ARSD: variants seen among roughly 807,000 people sequenced by gnomAD.
ARSD encodes testis tissue sperm-binding protein Li 39a.
In ARSD, 21 loss-of-function variants were observed where a neutral mutation model predicts 32.6. The observed-to-expected ratio is 0.64, with a 90% CI of 0.46 to 0.93. The LOEUF (loss-of-function observed/expected upper bound fraction) is 0.93, where lower values mean the gene tolerates loss of function less well. Among genes scored for constraint, ARSD ranks in the 40% least tolerant of loss-of-function variants. The pLI is 0.00. For missense variants in ARSD, 454 were observed against 520.9 expected, an observed-to-expected ratio of 0.87 and a Z score of 1.25; for synonymous variants, 224 against 237.4, an observed-to-expected ratio of 0.94 and a Z score of 0.52.
intron 5 of ARSD, among the ~76,000 whole-genome samples, chrX:2,916,504 A>C (rs1603461145): frequency 9.0e-6 from 1 of 111,659 alleles, no homozygotes; most frequent in East Asian, 2.8e-4. Context: ...CTCAGAAAAA[A>C]AGGTTATATC....
In ARSD at chrX:2,929,279, C is replaced by G. The variant is rs1351135390; in HGVS notation, c.-4G>C. 1 of 1,009,508 alleles carries G rather than the reference C, an allele frequency of 9.9e-7. No homozygotes were observed. The highest frequency in any genetic ancestry group is 4.1e-5 in the East Asian group (1 of 24,506). 83.2% of individuals were successfully genotyped at this position (1,009,508 alleles called of 1,213,427 possible). ...CCCTCCGCGCGGCGGATCGCATGGCCGAGCGCTGGCCCAGAGCGCAGGACC... is the reference window on the plus strand; with the variant it reads ...CCCTCCGCGCGGCGGATCGCATGGCGGAGCGCTGGCCCAGAGCGCAGGACC... On this transcript the variant is annotated 5_prime_UTR_variant, in exon 1 of 10. Transcript: ENST00000381154.
At chrX:2,912,228 G>T in intron 6 of ARSD, among the ~76,000 whole-genome samples, 1 of 111,852 alleles carries the variant, frequency 8.9e-6, no homozygotes, top group East Asian at 2.8e-4. Flanking sequence ...CTACCTGGAG[G>T]CTTCTTTGGC....
chrX:2,913,397 G>C (rs954473657), intron 6 of ARSD: 1 of 469,968 alleles, frequency 2.1e-6, no homozygotes, highest in Non-Finnish European at 2.6e-6. Flanking sequence ...CCCTCTTCCC[G>C]TTATGGCATG....
chrX:2,921,914 G>T lies in ARSD; in HGVS notation c.305C>A (p.Ser102Tyr). ...TCCGTGACACCAACCTGATCTGAAG[G>T]AATGTCTCCCTGTGAGGAATGCAGC... The part of the protein sequence containing the change: ...SRAAFLTGRH[S>Y]FRSGMDASNG... The change falls in exon 3 of 10, where the codon TCC becomes TAC. Residue 102 changes from serine to tyrosine, a missense_variant. This residue lies in a region of ARSD where 271 missense variants were observed against 301.0 expected (regional missense o/e 0.90). Transcript: ENST00000381154. 8.3e-7 allele frequency: 1 copy of T among 1,211,001 alleles called. No individual in the cohort carries two copies. Among genetic ancestry groups the T allele is most frequent in the Middle Eastern group, 2.3e-4 (1 of 4,350 alleles).
At position 2,908,605 on chromosome X, in the gene ARSD, T is replaced by C. The variant is rs367574191; in HGVS notation, c.1420+116A>G. 1.7e-4 allele frequency: 126 copies of C among 722,810 alleles called. No homozygotes were observed. In the African/African-American group the frequency reaches 2.6e-3, roughly 15 times the overall value. 59.6% of individuals were successfully genotyped at this position (722,810 alleles called of 1,213,427 possible). A position where few individuals can be genotyped will look rare whatever the true frequency, so the allele number is the denominator to read the frequency against. Reference sequence around the variant, plus strand: ...CTCTATTTCTATAGCTATCTGTCCATCCACCCATCCATCCATCCATCCATT... The same window carrying C: ...CTCTATTTCTATAGCTATCTGTCCACCCACCCATCCATCCATCCATCCATT... On this transcript the variant is annotated intron_variant, in intron 9 of 9. Transcript: ENST00000381154.
Position 2,921,973 on chromosome X carries a change from G to A in ARSD, c.246C>T (p.His82=). 8.3e-7 allele frequency: 1 copy of A among 1,210,735 alleles called. No individual in the cohort carries two copies. Residue 82 remains histidine (H), a synonymous_variant, in exon 3 of 10, where the codon CAC becomes CAT. Transcript: ENST00000381154. The part of the protein sequence containing the change: ...LAEEGVRLTQ[H]LAAAPLCTPS... ...GGGTGCAGAGCGGGGCGGCCGCCAGGTGCTGAGTGAGCCTCACACCTTCCT... is the reference window on the plus strand; with the variant it reads ...GGGTGCAGAGCGGGGCGGCCGCCAGATGCTGAGTGAGCCTCACACCTTCCT...
At chrX:2,910,109 C>T (rs1569086081) in intron 7 of ARSD, 130 bp from the exon 8 acceptor site, 2 of 850,146 alleles carry the variant, frequency 2.4e-6, no homozygotes, top group East Asian at 7.2e-5. Context: ...CTGGGGCAGC[C>T]TCAGCTTCCC....
At chrX:2,928,335 G>A (rs1255118372) in intron 1 of ARSD, among the ~76,000 whole-genome samples, 1 of 97,732 alleles carries the variant, frequency 1.0e-5, no homozygotes, top group Non-Finnish European at 2.1e-5. Flanking sequence ...CGGTGCTGGG[G>A]GGAGGGCGCC....
chrX:2,917,569 G>A (rs1169242760), intron 5 of ARSD, among the ~76,000 whole-genome samples: 7 of 110,752 alleles, frequency 6.3e-5, no homozygotes, highest in Non-Finnish European at 1.3e-4. Context: ...GACATCCGAG[G>A]CTGAAGCGAA....
At chrX:2,911,234 T>TG (rs1216239535) in intron 6 of ARSD, among the ~76,000 whole-genome samples, 3 of 110,732 alleles carry the variant, frequency 2.7e-5, no homozygotes, top group Non-Finnish European at 5.7e-5. Flanking sequence ...TAGGCAGGTG[T>TG]GGGGGGTGCA....
chrX:2,917,502 C>G (rs1280068330), intron 5 of ARSD, among the ~76,000 whole-genome samples: 1 of 110,151 alleles, frequency 9.1e-6, no homozygotes, highest in Non-Finnish European at 1.9e-5. Context: ...GCGACAGAGT[C>G]TCACTCTGTC....
chrX:2,913,855 G>C (rs1299333279), intron 6 of ARSD: 1 of 515,935 alleles, frequency 1.9e-6, no homozygotes, highest in Non-Finnish European at 2.5e-6. Context: ...ATGAATGGTT[G>C]AGCACCATCC....
At chrX:2,920,296 T>G in intron 4 of ARSD, 2 of 288,871 alleles carry the variant, frequency 6.9e-6, no homozygotes, top group Non-Finnish European at 6.1e-6. Context: ...CCAATAGGCA[T>G]GAGATGGACC....
At chrX:2,910,831 A>G (rs747570188) in intron 6 of ARSD, 38 bp from the exon 7 acceptor site, 1 of 1,193,247 alleles carries the variant, frequency 8.4e-7, no homozygotes, top group African/African-American at 1.7e-5. Flanking sequence ...CCAAGAAAAC[A>G]AAGCAGCATC....
In ARSD at chrX:2,920,381, T is replaced by TA; in HGVS notation, c.439+219dup. The TA allele has an allele frequency of 1.9e-5, 7 of 374,998 alleles. No individual in the cohort carries two copies. The South Asian group carries it at 2.2e-4, about 12-fold the overall frequency. 30.9% of individuals were successfully genotyped at this position (374,998 alleles called of 1,213,427 possible). A position where few individuals can be genotyped will look rare whatever the true frequency, so the allele number is the denominator to read the frequency against. ...AAAACGGGATCTTTTTTTTTTTTTT[T>TA]ATTCTTTGAGACAGAGTCTCGCTTT... On this transcript the variant is annotated intron_variant, in intron 4 of 9. Transcript: ENST00000381154.
At chrX:2,925,800 T>C in intron 1 of ARSD, 35 bp from the exon 2 acceptor site, 1 of 1,199,146 alleles carries the variant, frequency 8.3e-7, no homozygotes, top group Non-Finnish European at 1.1e-6. Flanking sequence ...AATGACTATC[T>C]ACAATTTGGC....
In ARSD at chrX:2,913,250, G is replaced by A. The variant is rs932971257; in HGVS notation, c.1000+2306C>T. Among the ~76,000 whole-genome samples the A allele has an allele frequency of 4.5e-5, 5 of 112,331 alleles. No individual in the cohort carries two copies. The Admixed American group carries it at 4.7e-4, about 11-fold the overall frequency. ...GTCTGGGTTATGATAAGGAGTTGTG[G>A]AGACCAAGCTTTTATCATGCAGATG... On this transcript the variant is annotated intron_variant, in intron 6 of 9. Transcript: ENST00000381154.
Position 2,905,893 on chromosome X carries a change from C to T in ARSD, c.*1378G>A, listed in dbSNP as rs1270719938. 1 of 112,187 alleles carries T rather than the reference C, an allele frequency of 8.9e-6. No individual in the cohort carries two copies. Among genetic ancestry groups the T allele is most frequent in the Non-Finnish European group, 1.9e-5 (1 of 53,217 alleles). The allele number at this position is 112,187 out of a possible 1,213,427, so 9.2% of individuals were successfully genotyped here. On this transcript the variant is annotated 3_prime_UTR_variant, in exon 10 of 10. Transcript: ENST00000381154. Reference sequence around the variant, plus strand: ...AATTGGGTTGGGGCTTCCAGATAATCCCCCCTCACAGGGACTGCTTCAAGA... The same window carrying T: ...AATTGGGTTGGGGCTTCCAGATAATTCCCCCTCACAGGGACTGCTTCAAGA...
At chrX:2,925,890 A>G (rs1157203786) in intron 1 of ARSD, 125 bp from the exon 2 acceptor site, 1 of 704,403 alleles carries the variant, frequency 1.4e-6, no homozygotes, top group African/African-American at 2.2e-5. Context: ...GCTTTATGGG[A>G]GGTTATTGTC....
Sources: allele counts gnomAD v4.1 joint callset (sites outside exome capture counted in the v4.1 genomes callset), GRCh38; gene constraint gnomAD v4.1.1; regional missense constraint gnomAD v4.1.1; transcripts MANE v1.5; gene names NCBI Gene and HGNC (gene_info 2026-07-23, HGNC 2026-07-21).